AMZ1: variants seen among roughly 807,000 people sequenced by gnomAD.
The protein encoded by AMZ1 is archaemetzincin-1.
In AMZ1, 39 loss-of-function variants were observed where a neutral mutation model predicts 29.9. That is an observed-to-expected ratio of 1.30 (90% CI 1.01 to 1.70). The LOEUF (loss-of-function observed/expected upper bound fraction) is 1.70, where lower values mean the gene tolerates loss of function less well. AMZ1 is among the 40% of genes most tolerant of loss of function. The pLI is 0.00. For missense variants in AMZ1, 1,041 were observed against 680.6 expected (o/e 1.53, Z -5.89); for synonymous variants, 458 against 304.0 (o/e 1.51, Z -5.27).
chr7:2,692,321 A>G (rs1787445150), intron 1 of AMZ1, among the ~76,000 whole-genome samples: 1 of 152,028 alleles, frequency 6.6e-6, no homozygotes, highest in South Asian at 2.1e-4. Flanking sequence ...CGGGCGGATC[A>G]TGAGGTCAGG....
intron 4 of AMZ1, among the ~76,000 whole-genome samples, chr7:2,753,760 C>T (rs1791149740): frequency 6.6e-6 from 1 of 151,982 alleles, no homozygotes; most frequent in Non-Finnish European, 1.5e-5. Context: ...CTTTTAATTA[C>T]ATTTATTTTA....
upstream of AMZ1, among the ~76,000 whole-genome samples, chr7:2,687,594 TG>T (rs1787131779): frequency 6.6e-6 from 1 of 152,244 alleles, no homozygotes; most frequent in South Asian, 2.1e-4. Flanking sequence ...TCCTGGTGGC[TG>T]GCACAGGGCC....
Position 2,731,801 on chromosome 7 carries a change from A to G in AMZ1, n.550+21985A>G. On this transcript the variant is annotated intron_variant and non_coding_transcript_variant, in intron 4 of 4. Coordinates refer to the AMZ1 transcript ENST00000489665. The surrounding 1 kb of genome is among the most constrained non-coding windows in gnomAD (Gnocchi z 6.0). The stretch of plus-strand genomic sequence containing the variant: ...ATTTAGGGGGAGGAAGAAAGAACAG[A>G]GAAAATAGAAACAAAAAGATGGCAA... 1.1e-6 allele frequency: 1 copy of G among 948,364 alleles called. No homozygotes were observed. Among genetic ancestry groups the G allele is most frequent in the Non-Finnish European group, 1.5e-6 (1 of 661,238 alleles). 58.7% of individuals were successfully genotyped at this position (948,364 alleles called of 1,614,324 possible).
At position 2,709,146 on chromosome 7, in the gene AMZ1, GC is replaced by G; in HGVS notation, c.676del (p.Leu226TrpfsTer2). 1 of 1,590,358 alleles carries G rather than the reference GC, an allele frequency of 6.3e-7. No individual in the cohort carries two copies. Among genetic ancestry groups the G allele is most frequent in the Non-Finnish European group, 8.6e-7 (1 of 1,169,414 alleles). On this transcript the variant is annotated frameshift_variant, in exon 5 of 7. Coordinates refer to ENST00000683327, the MANE Select transcript of AMZ1 (RefSeq NM_001384743.1). LOFTEE classifies it high-confidence loss of function. Reference protein sequence around the residue: ...PKSGPSAPDLALVEAAADGPE... With the variant: ...PKSGPSAPDLXLVEAAADGPE... ...GTCGGGGCCCAGCGCCCCTGATCTG[GC>G]CCTGGTAGAGGCAGCAGCAGACGGC...
chr7:2,702,787 T>G lies in AMZ1; in HGVS notation c.370T>G (p.Phe124Val), dbSNP rs1052598511. The part of the protein sequence containing the change: ...HQLCSCTEAF[F>V]LGLRVKCLPS... ...GCTGTGCAGCTGCACAGAGGCCTTC[T>G]TCCTGGGCCTGCGCGTCAAGTGCCT... Residue 124 changes from phenylalanine (F) to valine (V), a missense_variant, in exon 3 of 7, where the codon TTC (phenylalanine) becomes GTC (valine). Transcript: ENST00000683327. The G allele has an allele frequency of 1.9e-6, 3 of 1,545,134 alleles. No individual in the cohort carries two copies. Among genetic ancestry groups the G allele is most frequent in the African/African-American group, 1.4e-5 (1 of 73,234 alleles).
At chr7:2,764,247 T>TC (rs200536881), upstream of AMZ1, among the ~76,000 whole-genome samples, 64 of 147,926 alleles carry the variant, frequency 4.3e-4, no homozygotes, top group South Asian at 6.4e-4. Context: ...CTAATTTCTT[T>TC]TTTTTTTTTT....
At chr7:2,764,645 G>C (rs1412217114) in exon 1 of AMZ1, 2 of 152,230 alleles carry the variant, frequency 1.3e-5, no homozygotes. Context: ...CAGAGCTGAG[G>C]CTGCCCTCGA....
At chr7:2,733,494 G>A (rs777097834) in intron 4 of AMZ1, 2 of 1,613,204 alleles carry the variant, frequency 1.2e-6, no homozygotes, top group Non-Finnish European at 1.7e-6. Flanking sequence ...GTACTTCACC[G>A]ACTCCCCCTG....
chr7:2,695,967 C>G (rs1460956535), intron 1 of AMZ1, among the ~76,000 whole-genome samples: 2 of 149,904 alleles, frequency 1.3e-5, no homozygotes, highest in South Asian at 4.2e-4. Flanking sequence ...TGAGATAGTG[C>G]CATTGGACTC....
At position 2,713,520 on chromosome 7, in the gene AMZ1, A is replaced by G. The variant is rs1397817644; in HGVS notation, c.*642A>G. Reference sequence around the variant, plus strand: ...GCTGGAGCTGGAGAGGCTGGCTCAGATGAGGAGTGACCCCGGGGGCACACA... The same window carrying G: ...GCTGGAGCTGGAGAGGCTGGCTCAGGTGAGGAGTGACCCCGGGGGCACACA... On this transcript the variant is annotated 3_prime_UTR_variant, in exon 7 of 7. Coordinates refer to ENST00000683327, the MANE Select transcript of AMZ1 (RefSeq NM_001384743.1). 1 of 152,522 alleles carries G rather than the reference A, an allele frequency of 6.6e-6. No individual in the cohort carries two copies. The highest frequency in any genetic ancestry group is 1.9e-4 in the East Asian group (1 of 5,310). 9.4% of individuals were successfully genotyped at this position (152,522 alleles called of 1,614,324 possible).
chr7:2,760,973 A>C (rs941710295), upstream of AMZ1, among the ~76,000 whole-genome samples: 13 of 152,182 alleles, frequency 8.5e-5, no homozygotes, highest in African/African-American at 3.1e-4. Flanking sequence ...GTCTTGACGA[A>C]GTTGCTTGCT....
intron 4 of AMZ1, among the ~76,000 whole-genome samples, chr7:2,725,776 C>T (rs368495280): frequency 5.3e-5 from 8 of 152,236 alleles, no homozygotes; most frequent in Non-Finnish European, 8.8e-5. Flanking sequence ...GGAAACCTAA[C>T]GCTTTTCTGT....
chr7:2,709,571 G>T, intron 5 of AMZ1, 69 bp from the exon 6 acceptor site: 2 of 1,552,794 alleles, frequency 1.3e-6, no homozygotes. Context: ...TCCTGCTGGG[G>T]CTGCCTGGGG....
At chr7:2,764,272 G>A (rs1791710227), upstream of AMZ1, among the ~76,000 whole-genome samples, 1 of 149,794 alleles carries the variant, frequency 6.7e-6, no homozygotes, top group African/African-American at 2.5e-5. Flanking sequence ...TAATAAAGAT[G>A]GGATCTCACT....
In AMZ1 at chr7:2,708,704, C is replaced by T. The variant is rs757148494; in HGVS notation, c.589C>T (p.Leu197Phe). 3.1e-6 allele frequency: 5 copies of T among 1,612,854 alleles called. No homozygotes were observed. In the Admixed American group the frequency reaches 5.0e-5, roughly 16 times the overall value. ...EAWSFTFSKFLPGHEVGVCSF... is the reference protein window; with the variant it reads ...EAWSFTFSKFFPGHEVGVCSF... ...CTGGAGCTTCACCTTCAGCAAGTTC[C>T]TTCCAGGGCACGGTGAGCCGGGGCC... is the stretch of plus-strand genomic sequence containing the variant. Residue 197 changes from leucine (L) to phenylalanine (F), a missense_variant, in exon 4 of 7, where the codon CTT becomes TTT. Physicochemically the swap from Leu to Phe is conservative, Grantham distance 22. Transcript: ENST00000683327.
rs758029239 is a variant in AMZ1, at chr7:2,712,881, C to T, written c.*3C>T. The T allele has an allele frequency of 4.6e-6, 7 of 1,514,274 alleles. No individual in the cohort carries two copies. The highest frequency in any genetic ancestry group is 2.2e-5 in the Admixed American group (1 of 44,876). 93.8% of individuals were successfully genotyped at this position (1,514,274 alleles called of 1,614,324 possible). A position where few individuals can be genotyped will look rare whatever the true frequency, so the allele number is the denominator to read the frequency against. ...CCTGGGATGGGGAAGAGAGTTAGTA[C>T]AGCAGGGGCTGCCCTACGTCTCCTT... is the stretch of plus-strand genomic sequence containing the variant. On this transcript the variant is annotated 3_prime_UTR_variant, in exon 7 of 7. Coordinates refer to ENST00000683327, the MANE Select transcript of AMZ1 (RefSeq NM_001384743.1).
rs547163330 is a variant in AMZ1, at chr7:2,680,405, C to T, written c.-219+734C>T. On this transcript the variant is annotated intron_variant, in intron 1 of 6. Coordinates refer to the AMZ1 transcript ENST00000312371. ...AGGCACTGGAGACCCCGGGAGACCCCGGATCCTGCAGGGCTTCTCCAGGTG... is the reference window on the plus strand; with the variant it reads ...AGGCACTGGAGACCCCGGGAGACCCTGGATCCTGCAGGGCTTCTCCAGGTG... 3.3e-5 allele frequency among the ~76,000 whole-genome samples: 5 copies of T among 152,270 alleles called. No individual in the cohort carries two copies. The South Asian group carries it at 8.3e-4, about 25-fold the overall frequency.
intron 1 of AMZ1, among the ~76,000 whole-genome samples, chr7:2,697,877 C>T (rs541822946): frequency 6.6e-6 from 1 of 152,226 alleles, no homozygotes; most frequent in South Asian, 2.1e-4. Flanking sequence ...TGGCAGTGAT[C>T]TCAGTGGAAA....
chr7:2,707,328 C>A (rs1386974931), intron 3 of AMZ1, among the ~76,000 whole-genome samples: 1 of 151,922 alleles, frequency 6.6e-6, no homozygotes, highest in African/African-American at 2.4e-5. Flanking sequence ...CCTTGTCAAT[C>A]TGTTCCTTTT....
Sources: allele counts gnomAD v4.1 joint callset (sites outside exome capture counted in the v4.1 genomes callset), GRCh38; gene constraint gnomAD v4.1.1; non-coding constraint Gnocchi (gnomAD v3.1); transcripts MANE v1.5; gene names NCBI Gene and HGNC (gene_info 2026-07-23, HGNC 2026-07-21).